The following KCNIP1 variants were observed in gnomAD, a reference collection of about 807,000 sequenced individuals.
KCNIP1 encodes A-type potassium channel modulatory protein KCNIP1.
KCNIP1 carries 18 observed loss-of-function variants against 33.0 expected under a neutral mutation model. The observed-to-expected ratio is 0.55, with a 90% confidence interval of 0.38 to 0.81. KCNIP1 has a LOEUF of 0.81. KCNIP1 is among the 30% of genes least tolerant of loss of function. KCNIP1 has a pLI of 0.00. For synonymous variants in KCNIP1, 93 were observed against 98.3 expected, an observed-to-expected ratio of 0.95 and a Z score of 0.32; for missense variants, 238 against 271.6, an observed-to-expected ratio of 0.88 and a Z score of 0.87.
chr5:170,536,728 C>T (rs537516309), intron 1 of KCNIP1, among the ~76,000 whole-genome samples: 122 of 152,336 alleles, frequency 8.0e-4, no homozygotes, highest in African/African-American at 2.9e-3. Flanking sequence ...CTCACTCCCA[C>T]ACCTGCAGTG....
At chr5:170,516,878 A>G (rs955155368) in intron 1 of KCNIP1, among the ~76,000 whole-genome samples, 1 of 152,218 alleles carries the variant, frequency 6.6e-6, no homozygotes, top group Admixed American at 6.5e-5. Flanking sequence ...GTAAGCTATA[A>G]GGCAGTGCAT....
chr5:170,679,501 G>A (rs1490226755), intron 1 of KCNIP1, among the ~76,000 whole-genome samples: 3 of 152,040 alleles, frequency 2.0e-5, no homozygotes, highest in East Asian at 1.9e-4. Flanking sequence ...AATCCATTAC[G>A]CACATACATA....
At position 170,378,801 on chromosome 5, in the gene KCNIP1, G is replaced by C; in HGVS notation, c.88+24837G>C. ...CAGCAGGAAGGTGGGCCAGAAGAGG[G>C]AGAAGAGGAGGGCCTGGGGCCCGTA... On this transcript the variant is annotated intron_variant, in intron 1 of 7. Coordinates refer to the KCNIP1 transcript ENST00000377360. The C allele has an allele frequency of 6.2e-7, 1 of 1,614,224 alleles. No individual in the cohort carries two copies. Among genetic ancestry groups the C allele is most frequent in the Middle Eastern group, 1.6e-4 (1 of 6,062 alleles).
At chr5:170,722,885 A>G (rs1763875782) in intron 5 of KCNIP1, 65 bp downstream of exon 5, 1 of 990,554 alleles carries the variant, frequency 1.0e-6, no homozygotes, top group Non-Finnish European at 1.6e-6. Flanking sequence ...AACAGAAAAC[A>G]GCCCCAGGCA....
At chr5:170,406,401 G>A (rs551108461) in intron 1 of KCNIP1, among the ~76,000 whole-genome samples, 11 of 152,342 alleles carry the variant, frequency 7.2e-5, no homozygotes, top group African/African-American at 2.4e-4. Context: ...TATTGGTCGT[G>A]TAAATGTGGC....
At chr5:170,409,534 A>G (rs942297314) in intron 1 of KCNIP1, among the ~76,000 whole-genome samples, 5 of 152,178 alleles carry the variant, frequency 3.3e-5, no homozygotes, top group Non-Finnish European at 5.9e-5. Context: ...TGCAGTAGTG[A>G]CACGCACAGG....
intron 1 of KCNIP1, among the ~76,000 whole-genome samples, chr5:170,379,190 G>A (rs770974316): frequency 6.6e-6 from 1 of 151,400 alleles, no homozygotes; most frequent in Non-Finnish European, 1.5e-5. Flanking sequence ...GAGCTGCTCG[G>A]GGTACAGGCT....
intron 1 of KCNIP1, among the ~76,000 whole-genome samples, chr5:170,550,096 C>G (rs1756553423): frequency 6.6e-6 from 1 of 152,136 alleles, no homozygotes; most frequent in Non-Finnish European, 1.5e-5. Flanking sequence ...CCAGCTGCCC[C>G]TCAAATTGTT....
intron 1 of KCNIP1, among the ~76,000 whole-genome samples, chr5:170,600,920 A>G (rs2036561): frequency 0.32 from 48,135 of 152,078 alleles, 8,700 homozygotes; most frequent in Non-Finnish European, 0.42. Context: ...TGGCCAATGA[A>G]TGTTTGGCAA....
intron 1 of KCNIP1, among the ~76,000 whole-genome samples, chr5:170,644,992 TG>T (rs1760729175): frequency 3.3e-5 from 5 of 152,344 alleles, no homozygotes; most frequent in African/African-American, 1.2e-4. Context: ...ACCTTCCTTA[TG>T]TGTGACCTAA....
intron 7 of KCNIP1, among the ~76,000 whole-genome samples, chr5:170,734,703 G>A (rs931399483): frequency 6.6e-6 from 1 of 152,224 alleles, no homozygotes; most frequent in African/African-American, 2.4e-5. Context: ...AATAGCAAAT[G>A]TAAGAAAGCC....
At chr5:170,511,836 C>G (rs1754943997) in intron 1 of KCNIP1, among the ~76,000 whole-genome samples, 1 of 152,228 alleles carries the variant, frequency 6.6e-6, no homozygotes, top group African/African-American at 2.4e-5. Flanking sequence ...AACTGCCATA[C>G]TAACCTCCTC....
chr5:170,678,589 A>T (rs773629175), intron 1 of KCNIP1: 11 of 152,206 alleles, frequency 7.2e-5, no homozygotes, highest in Non-Finnish European at 1.5e-5. Context: ...GCAGTGAGGG[A>T]TTAAGTCTAA....
chr5:170,442,143 G>A (rs781614322), intron 1 of KCNIP1, among the ~76,000 whole-genome samples: 1 of 151,940 alleles, frequency 6.6e-6, no homozygotes, highest in Non-Finnish European at 1.5e-5. Flanking sequence ...TACTTAAGAC[G>A]GTGCACCCTG....
At chr5:170,364,939 G>T (rs888187643) in intron 1 of KCNIP1, among the ~76,000 whole-genome samples, 1 of 152,102 alleles carries the variant, frequency 6.6e-6, no homozygotes, top group Non-Finnish European at 1.5e-5. Flanking sequence ...AGTATACAGT[G>T]CAGTCTTATG....
At chr5:170,413,774 T>TC (rs1443889101) in intron 1 of KCNIP1, among the ~76,000 whole-genome samples, 1 of 151,966 alleles carries the variant, frequency 6.6e-6, no homozygotes, top group Non-Finnish European at 1.5e-5. Context: ...CAGCCCAGCC[T>TC]CCCCTTGTCA....
chr5:170,660,944 A>G (rs1483341560), intron 1 of KCNIP1, among the ~76,000 whole-genome samples: 4 of 152,250 alleles, frequency 2.6e-5, no homozygotes, highest in African/African-American at 7.2e-5. Context: ...GATGGAGCCA[A>G]TGGGGCCTGC....
chr5:170,581,937 A>C (rs1363475298), intron 1 of KCNIP1, among the ~76,000 whole-genome samples: 1 of 152,218 alleles, frequency 6.6e-6, no homozygotes, highest in Non-Finnish European at 1.5e-5. Flanking sequence ...CATGGCAAGA[A>C]AGGAAGCAAG....
At chr5:170,590,780 A>C (rs28734027) in intron 1 of KCNIP1, among the ~76,000 whole-genome samples, 2 of 152,162 alleles carry the variant, frequency 1.3e-5, no homozygotes, top group Non-Finnish European at 2.9e-5. Context: ...ATGACAGTTT[A>C]CTTCTCGTTG....
Sources: gnomAD v4.1 joint callset for allele counts (sites outside exome capture counted in the v4.1 genomes callset) on GRCh38, gnomAD v4.1.1 for gene constraint, MANE v1.5 for transcripts, NCBI Gene and HGNC (gene_info 2026-07-23, HGNC 2026-07-21) for gene names.